ASIC2: variants seen among roughly 807,000 people sequenced by gnomAD.
ASIC2 encodes acid sensing ion channel subunit 2, also known as acid-sensing ion channel 2.
ASIC2 carries 25 observed loss-of-function variants against 57.3 expected under a neutral mutation model. The observed-to-expected ratio is 0.44, with a 90% CI of 0.32 to 0.61. The LOEUF (loss-of-function observed/expected upper bound fraction) is 0.61. ASIC2 is among the 20% of genes least tolerant of loss of function. The probability of loss-of-function intolerance (pLI) is 0.06; values close to 1 mark genes in which losing one functional copy is unlikely to be tolerated. For synonymous variants in ASIC2, 319 were observed against 307.5 expected, an observed-to-expected ratio of 1.04 and a Z score of -0.39; for missense variants, 641 against 738.1, an observed-to-expected ratio of 0.87 and a Z score of 1.52.
At chr17:33,562,555 C>A (rs1916105817) in intron 1 of ASIC2, among the ~76,000 whole-genome samples, 1 of 152,158 alleles carries the variant, frequency 6.6e-6, no homozygotes. Context: ...TGGAGGGCCA[C>A]CACCAGGAGA....
At chr17:33,791,025 C>A (rs1367754074) in intron 1 of ASIC2, among the ~76,000 whole-genome samples, 1 of 152,152 alleles carries the variant, frequency 6.6e-6, no homozygotes, top group Admixed American at 6.5e-5. Context: ...GTCTCCCTGG[C>A]CTGTGCCCTG....
At chr17:34,151,337 G>C (rs183841874) in intron 1 of ASIC2, among the ~76,000 whole-genome samples, 55 of 152,306 alleles carry the variant, frequency 3.6e-4, no homozygotes, top group Middle Eastern at 3.4e-3. Flanking sequence ...TGGGAAATGG[G>C]CTGGGAGTTC....
intron 1 of ASIC2, among the ~76,000 whole-genome samples, chr17:33,787,762 G>T (rs1269653935): frequency 1.3e-5 from 2 of 152,126 alleles, no homozygotes; most frequent in Admixed American, 1.3e-4. Context: ...ATATGGTTTG[G>T]GTCTGTGTGC....
At chr17:33,960,388 A>G (rs1360353757) in intron 1 of ASIC2, among the ~76,000 whole-genome samples, 1 of 152,194 alleles carries the variant, frequency 6.6e-6, no homozygotes, top group African/African-American at 2.4e-5. Context: ...TTGTGTTTTC[A>G]TTGCCAGAGA....
chr17:33,692,063 A>C (rs12449359), intron 1 of ASIC2, among the ~76,000 whole-genome samples: 36,757 of 152,092 alleles, frequency 0.24, 4,557 homozygotes, highest in East Asian at 0.26. Context: ...AATTGTAACA[A>C]AATCTAGAAA....
chr17:33,513,819 T>C (rs1914492209), intron 1 of ASIC2, among the ~76,000 whole-genome samples: 1 of 152,212 alleles, frequency 6.6e-6, no homozygotes, highest in South Asian at 2.1e-4. Flanking sequence ...GAAGGCTCAC[T>C]CCCATCTGTA....
chr17:33,642,492 C>T (rs1403279199), intron 1 of ASIC2, among the ~76,000 whole-genome samples: 2 of 152,216 alleles, frequency 1.3e-5, no homozygotes, highest in Non-Finnish European at 2.9e-5. Context: ...ACAATGCCTG[C>T]CCCTTGTAAG....
At chr17:33,264,021 G>A (rs1297419129) in intron 1 of ASIC2, among the ~76,000 whole-genome samples, 2 of 152,194 alleles carry the variant, frequency 1.3e-5, no homozygotes, top group Non-Finnish European at 2.9e-5. Flanking sequence ...TGTGACCTTG[G>A]ACAAGTGACT....
At chr17:34,087,764 TC>T (rs1405782988) in intron 1 of ASIC2, among the ~76,000 whole-genome samples, 16 of 152,050 alleles carry the variant, frequency 1.1e-4, no homozygotes, top group Non-Finnish European at 2.9e-5. Flanking sequence ...TCTCTAAACT[TC>T]CCTTCTCACT....
At chr17:33,322,550 TAGAA>T (rs1448983336) in intron 1 of ASIC2, among the ~76,000 whole-genome samples, 1 of 152,112 alleles carries the variant, frequency 6.6e-6, no homozygotes, top group African/African-American at 2.4e-5. Flanking sequence ...TAACAACCAG[TAGAA>T]AGATTCATTC....
chr17:33,473,975 A>G (rs942728076), intron 1 of ASIC2, among the ~76,000 whole-genome samples: 2 of 152,164 alleles, frequency 1.3e-5, no homozygotes, highest in East Asian at 1.9e-4. Context: ...CTAGCCAGGT[A>G]CCTGGTATAC....
At chr17:33,242,545 A>C (rs1908544780) in intron 1 of ASIC2, among the ~76,000 whole-genome samples, 1 of 152,138 alleles carries the variant, frequency 6.6e-6, no homozygotes, top group Admixed American at 6.5e-5. Flanking sequence ...GGATGACTTA[A>C]ATAGGATTTA....
At position 33,253,694 on chromosome 17, in the gene ASIC2, C is replaced by T. The variant is rs371903127; in HGVS notation, c.708+37714G>A. Among the ~76,000 whole-genome samples, 127 of 152,234 alleles carry T rather than the reference C, an allele frequency of 8.3e-4. 3 individuals are homozygous for T. In the South Asian group the frequency reaches 0.026, roughly 31 times the overall value. ...ATGAGTGACCAACTAACTCCTGAGA[C>T]TGGTTTTCACGAAAAGAAGAGGAAA... On this transcript the variant is annotated intron_variant, in intron 1 of 9. Transcript: ENST00000225823.
At chr17:33,419,791 A>G (rs1366163160) in intron 1 of ASIC2, among the ~76,000 whole-genome samples, 3 of 152,206 alleles carry the variant, frequency 2.0e-5, no homozygotes, top group Non-Finnish European at 4.4e-5. Context: ...CATCAAAAAG[A>G]TGGACTAACA....
intron 1 of ASIC2, among the ~76,000 whole-genome samples, chr17:33,799,475 T>TTTCTTTCTTTCTTTCC (rs1912061682): frequency 7.0e-6 from 1 of 142,314 alleles, no homozygotes; most frequent in Non-Finnish European, 1.5e-5. Context: ...TCTTTCTTTC[T>TTTCTTTCTTTCTTTCC]TTCCTTCTTT....
At chr17:33,462,927 C>T (rs1912689463) in intron 1 of ASIC2, among the ~76,000 whole-genome samples, 1 of 152,188 alleles carries the variant, frequency 6.6e-6, no homozygotes, top group Non-Finnish European at 1.5e-5. Context: ...GCTTTGTTCT[C>T]AGCCTATGAT....
chr17:33,980,294 A>C (rs943432242), intron 1 of ASIC2, among the ~76,000 whole-genome samples: 2 of 152,160 alleles, frequency 1.3e-5, no homozygotes, highest in African/African-American at 2.4e-5. Context: ...TCTCTGAGTG[A>C]GGGAGGTGAG....
intron 1 of ASIC2, among the ~76,000 whole-genome samples, chr17:33,224,001 C>T (rs1907784993): frequency 6.6e-6 from 1 of 152,206 alleles, no homozygotes; most frequent in Non-Finnish European, 1.5e-5. Context: ...CTGCAGGCAC[C>T]TCCATTTGAT....
chr17:34,011,067 GCCT>G (rs1159459291), intron 1 of ASIC2, among the ~76,000 whole-genome samples: 44 of 106,324 alleles, frequency 4.1e-4, no homozygotes, highest in East Asian at 1.1e-3. Flanking sequence ...ACACACACAT[GCCT>G]CCAGGCAGAC....
Sources: allele counts gnomAD v4.1 joint callset (sites outside exome capture counted in the v4.1 genomes callset), GRCh38; gene constraint gnomAD v4.1.1; transcripts MANE v1.5; gene names NCBI Gene and HGNC (gene_info 2026-07-23, HGNC 2026-07-21).